Variants in VPS13B observed in about 807,000 individuals in gnomAD.
The protein encoded by VPS13B is vacuolar protein sorting 13 homolog B, also known as intermembrane lipid transfer protein VPS13B.
Under a neutral mutation model 426.4 loss-of-function variants are expected in VPS13B, and 285 were observed. The ratio of observed to expected loss-of-function variants is 0.67; its 90% CI spans 0.61 to 0.74. The LOEUF (loss-of-function observed/expected upper bound fraction) is 0.74. Ranked by LOEUF, VPS13B falls within the 30% of genes least tolerant of loss-of-function variation. VPS13B has a pLI of 0.00. For synonymous variants in VPS13B, 1,676 were observed against 1,676.4 expected (o/e 1.00, Z 0.01); for missense variants, 4,537 against 4,782.6 (o/e 0.95, Z 1.51).
chr8:99,544,602 G>T (rs978257292), intron 30 of VPS13B, among the ~76,000 whole-genome samples: 8 of 152,104 alleles, frequency 5.3e-5, no homozygotes, highest in African/African-American at 1.9e-4. Context: ...ATTGTGGAAA[G>T]AATTCTACCT....
chr8:99,609,709 G>A (rs900765735), intron 33 of VPS13B, among the ~76,000 whole-genome samples: 2 of 152,122 alleles, frequency 1.3e-5, no homozygotes, highest in African/African-American at 4.8e-5. Context: ...TTATTAATGG[G>A]TCAGGATTTA....
At chr8:99,013,738 C>T (rs376395578) in intron 1 of VPS13B, 22 bp from the exon 2 acceptor site, 5 of 1,611,410 alleles carry the variant, frequency 3.1e-6, no homozygotes, top group Non-Finnish European at 4.2e-6. Context: ...CGACTTCTAA[C>T]GTTTCTGTCT....
At chr8:99,397,229 T>A (rs1368029721) in intron 21 of VPS13B, among the ~76,000 whole-genome samples, 3 of 152,180 alleles carry the variant, frequency 2.0e-5, no homozygotes. Context: ...CACTGCAACC[T>A]CCACCTCCTG....
At chr8:99,791,555 G>A (rs1190527335) in intron 43 of VPS13B, among the ~76,000 whole-genome samples, 3 of 152,060 alleles carry the variant, frequency 2.0e-5, no homozygotes, top group Admixed American at 6.6e-5. Flanking sequence ...ACGGTCTAGA[G>A]AAGATTGAGA....
At chr8:99,868,525 C>A in intron 59 of VPS13B, 60 bp downstream of exon 59, 2 of 1,550,666 alleles carry the variant, frequency 1.3e-6, no homozygotes, top group African/African-American at 1.4e-5. Context: ...ATGCTTATAC[C>A]AAGGGTTCCC....
chr8:99,317,740 C>T (rs553961689), intron 19 of VPS13B, among the ~76,000 whole-genome samples: 5 of 152,036 alleles, frequency 3.3e-5, no homozygotes, highest in African/African-American at 1.2e-4. Context: ...AGAACCTGAA[C>T]CATTCAGTTA....
chr8:99,096,508 T>G (rs1846428009), intron 4 of VPS13B, 76 bp downstream of exon 4: 1 of 1,590,932 alleles, frequency 6.3e-7, no homozygotes, highest in Non-Finnish European at 8.6e-7. Flanking sequence ...GTAATCCCAG[T>G]GCTTTGGGGG....
intron 19 of VPS13B, among the ~76,000 whole-genome samples, chr8:99,284,085 A>C (rs1588207403): frequency 6.6e-6 from 1 of 152,320 alleles, no homozygotes; most frequent in East Asian, 1.9e-4. Context: ...CAATATTTTC[A>C]AGTACTAGAA....
intron 37 of VPS13B, among the ~76,000 whole-genome samples, chr8:99,718,723 G>C (rs1049091422): frequency 6.7e-6 from 1 of 150,344 alleles, no homozygotes; most frequent in Non-Finnish European, 1.5e-5. Context: ...CTGAAGTGCA[G>C]TGGTGTGATA....
chr8:99,516,257 C>G (rs1822062680), intron 29 of VPS13B, among the ~76,000 whole-genome samples: 1 of 152,004 alleles, frequency 6.6e-6, no homozygotes, highest in Non-Finnish European at 1.5e-5. Flanking sequence ...AACAAATTCA[C>G]CATTTTAAAG....
At chr8:99,201,777 G>T (rs541389384) in intron 17 of VPS13B, among the ~76,000 whole-genome samples, 95 of 152,248 alleles carry the variant, frequency 6.2e-4, no homozygotes, top group Middle Eastern at 3.4e-3. Context: ...TACTGGTTTA[G>T]TGAATGTCTT....
At chr8:99,106,618 A>G (rs1440988193) in intron 5 of VPS13B, among the ~76,000 whole-genome samples, 4 of 152,084 alleles carry the variant, frequency 2.6e-5, no homozygotes, top group Admixed American at 6.6e-5. Context: ...CTTTCCCCAA[A>G]GCAACCACTT....
At chr8:99,100,373 C>G (rs982703216) in intron 4 of VPS13B, among the ~76,000 whole-genome samples, 6 of 152,188 alleles carry the variant, frequency 3.9e-5, no homozygotes, top group African/African-American at 1.4e-4. Flanking sequence ...TCACTGCAAC[C>G]TCCGCCTCTG....
chr8:99,816,734 G>A (rs762105827), intron 44 of VPS13B, among the ~76,000 whole-genome samples: 1 of 152,044 alleles, frequency 6.6e-6, no homozygotes, highest in African/African-American at 2.4e-5. Context: ...GAGCCTGGTA[G>A]ATTGAGACTG....
At chr8:99,135,459 G>T in intron 10 of VPS13B, 137 bp from the exon 11 acceptor site, 1 of 1,181,044 alleles carries the variant, frequency 8.5e-7, no homozygotes, top group Non-Finnish European at 1.2e-6. Context: ...AATGAAGGTG[G>T]AGCAGCAGCA....
intron 19 of VPS13B, 79 bp from the exon 20 acceptor site, chr8:99,384,129 C>G: frequency 8.6e-7 from 1 of 1,157,414 alleles, no homozygotes; most frequent in Non-Finnish European, 1.3e-6. Flanking sequence ...TCATAGCTAT[C>G]CTACATGGTG....
At chr8:99,276,482 G>T (rs539261744) in intron 19 of VPS13B, among the ~76,000 whole-genome samples, 3 of 152,110 alleles carry the variant, frequency 2.0e-5, no homozygotes, top group African/African-American at 7.2e-5. Context: ...TTCTTAAAGG[G>T]CCTGACAGCT....
At chr8:99,096,755 C>CAA (rs56378823) in intron 4 of VPS13B, among the ~76,000 whole-genome samples, 1 of 116,782 alleles carries the variant, frequency 8.6e-6, no homozygotes, top group Admixed American at 8.7e-5. Flanking sequence ...TACTCTGTCT[C>CAA]AAAAAAAAAA....
At chr8:99,054,124 C>G (rs1054886913) in intron 3 of VPS13B, among the ~76,000 whole-genome samples, 2 of 152,206 alleles carry the variant, frequency 1.3e-5, no homozygotes, top group Non-Finnish European at 2.9e-5. Context: ...GAGTATAATG[C>G]TACAATGAAC....
Sources: gnomAD v4.1 joint callset for allele counts (sites outside exome capture counted in the v4.1 genomes callset) on GRCh38, gnomAD v4.1.1 for gene constraint, MANE v1.5 for transcripts, NCBI Gene and HGNC (gene_info 2026-07-23, HGNC 2026-07-21) for gene names.